Variants in MARCHF5 observed in about 807,000 individuals in gnomAD.
The protein encoded by MARCHF5 is membrane associated ring-CH-type finger 5, also known as E3 ubiquitin-protein ligase MARCHF5.
In MARCHF5, 5 loss-of-function variants were observed where a neutral mutation model predicts 36.5. That is an observed-to-expected ratio of 0.14 (90% CI 0.07 to 0.29). MARCHF5 has a LOEUF of 0.29. Among genes scored for constraint, MARCHF5 ranks in the 10% least tolerant of loss-of-function variants. The probability of loss-of-function intolerance (pLI) is 1.00; values close to 1 mark genes in which losing one functional copy is unlikely to be tolerated. For synonymous variants in MARCHF5, 103 were observed against 109.9 expected (o/e 0.94, Z 0.39); for missense variants, 179 against 336.3 (o/e 0.53, Z 3.66).
chr10:92,295,666 C>G (rs1159783931), intron 1 of MARCHF5, among the ~76,000 whole-genome samples: 1 of 151,904 alleles, frequency 6.6e-6, no homozygotes, highest in Non-Finnish European at 1.5e-5. Flanking sequence ...AATTGACCTC[C>G]CACAGTGCTG....
chr10:92,333,155 C>A (rs988921155), intron 2 of MARCHF5, among the ~76,000 whole-genome samples: 1 of 124,470 alleles, frequency 8.0e-6, no homozygotes, highest in African/African-American at 3.1e-5. Flanking sequence ...AGTAAATCTC[C>A]GTCTTGCCAA....
At chr10:92,312,279 CTAATA>C (rs1843153357) in intron 2 of MARCHF5, among the ~76,000 whole-genome samples, 1 of 152,102 alleles carries the variant, frequency 6.6e-6, no homozygotes, top group Non-Finnish European at 1.5e-5. Flanking sequence ...AAGTGCTTTT[CTAATA>C]TGAGAAGATT....
chr10:92,295,399 A>ATTTTT (rs1234961486), intron 1 of MARCHF5, among the ~76,000 whole-genome samples: 15 of 65,008 alleles, frequency 2.3e-4, no homozygotes, highest in African/African-American at 6.2e-4. Context: ...TTATTTATTT[A>ATTTTT]TTTATTTATT....
At chr10:92,325,258 G>T (rs1843341884) in intron 2 of MARCHF5, among the ~76,000 whole-genome samples, 1 of 152,142 alleles carries the variant, frequency 6.6e-6, no homozygotes, top group South Asian at 2.1e-4. Flanking sequence ...CAGGAGGATT[G>T]CCTGAGCCCA....
rs1465380532 is a variant in MARCHF5 at position 92,352,258 on chromosome 10, C to G, written c.*1051C>G. On this transcript the variant is annotated 3_prime_UTR_variant, in exon 6 of 6. Coordinates refer to ENST00000358935, the MANE Select transcript of MARCHF5 (RefSeq NM_017824.5). ...CAGCAGTGAATAAACCAAGGTGAGG[C>G]CTTGAGCTCTTTGTTTTTATATTAA... is the stretch of plus-strand genomic sequence containing the variant. 1 of 152,182 alleles carries G rather than the reference C, an allele frequency of 6.6e-6. No individual in the cohort carries two copies. The highest frequency in any genetic ancestry group is 2.4e-5 in the African/African-American group (1 of 41,364). The allele number at this position is 152,182 out of a possible 1,614,324, so 9.4% of individuals were successfully genotyped here.
intron 1 of MARCHF5, among the ~76,000 whole-genome samples, chr10:92,301,462 A>G (rs1401899546): frequency 6.6e-6 from 1 of 152,236 alleles, no homozygotes; most frequent in Non-Finnish European, 1.5e-5. Context: ...GGTTGCATCC[A>G]TGCCTCTCTG....
intron 2 of MARCHF5, among the ~76,000 whole-genome samples, chr10:92,334,985 C>T (rs1843486005): frequency 6.6e-6 from 1 of 152,098 alleles, no homozygotes; most frequent in Non-Finnish European, 1.5e-5. Flanking sequence ...AATATTTATA[C>T]AAAGCTTCAG....
intron 3 of MARCHF5, 77 bp from the exon 4 acceptor site, chr10:92,349,272 A>G (rs888241531): frequency 2.9e-5 from 32 of 1,091,854 alleles, no homozygotes; most frequent in African/African-American, 6.4e-5. Context: ...AGCATTTTCT[A>G]TTAAAAAAAT....
intron 1 of MARCHF5, among the ~76,000 whole-genome samples, chr10:92,294,352 A>G (rs142482788): frequency 6.4e-4 from 97 of 152,344 alleles, no homozygotes; most frequent in Middle Eastern, 3.4e-3. Context: ...ATACATCTCT[A>G]TAAAACAGCA....
At chr10:92,326,834 GGTAATGCATTGACACA>G (rs1843366977) in intron 2 of MARCHF5, among the ~76,000 whole-genome samples, 1 of 150,940 alleles carries the variant, frequency 6.6e-6, no homozygotes, top group Non-Finnish European at 1.5e-5. Context: ...TTTTCCCCCA[GGTAATGCATTGACACA>G]GTCAAAAATT....
At chr10:92,343,314 C>G (rs575815543) in intron 3 of MARCHF5, among the ~76,000 whole-genome samples, 1 of 152,338 alleles carries the variant, frequency 6.6e-6, no homozygotes, top group Admixed American at 6.5e-5. Flanking sequence ...ACAGGCAACT[C>G]CTGCCTGCTG....
chr10:92,331,826 CTA>C (rs1232254696), intron 2 of MARCHF5, among the ~76,000 whole-genome samples: 2 of 148,144 alleles, frequency 1.4e-5, no homozygotes, highest in Non-Finnish European at 1.5e-5. Flanking sequence ...GCATATATAA[CTA>C]TGTACCATAT....
chr10:92,320,507 T>C (rs1033741408), intron 2 of MARCHF5, among the ~76,000 whole-genome samples: 2 of 151,964 alleles, frequency 1.3e-5, no homozygotes, highest in African/African-American at 4.9e-5. Flanking sequence ...CTGAAGACCT[T>C]CTAGTGGGAC....
chr10:92,291,624 G>A (rs1338704827), intron 1 of MARCHF5, 95 bp downstream of exon 1: 3 of 1,424,422 alleles, frequency 2.1e-6, no homozygotes, highest in African/African-American at 1.5e-5. Context: ...AGAACCCGGC[G>A]TGCCGGGAGG....
At chr10:92,325,200 G>T (rs1843341160) in intron 2 of MARCHF5, among the ~76,000 whole-genome samples, 1 of 152,166 alleles carries the variant, frequency 6.6e-6, no homozygotes, top group Non-Finnish European at 1.5e-5. Context: ...ACTTTAGCCA[G>T]GCATGGTGGC....
At chr10:92,337,560 G>A (rs1843519139) in intron 2 of MARCHF5, among the ~76,000 whole-genome samples, 1 of 151,838 alleles carries the variant, frequency 6.6e-6, no homozygotes, top group Admixed American at 6.6e-5. Context: ...GTTCTTCTGG[G>A]GAATTTTGTT....
intron 2 of MARCHF5, among the ~76,000 whole-genome samples, chr10:92,326,469 A>C (rs890559810): frequency 6.6e-6 from 1 of 152,184 alleles, no homozygotes; most frequent in Non-Finnish European, 1.5e-5. Context: ...TCACTCAGTG[A>C]GTCAGCTAAT....
chr10:92,345,512 G>T (rs1843631483), intron 3 of MARCHF5, among the ~76,000 whole-genome samples: 1 of 151,870 alleles, frequency 6.6e-6, no homozygotes, highest in Non-Finnish European at 1.5e-5. Flanking sequence ...AATTAATGTA[G>T]AATTCTAATA....
chr10:92,345,338 C>A (rs979616325), intron 3 of MARCHF5, among the ~76,000 whole-genome samples: 6 of 152,022 alleles, frequency 3.9e-5, no homozygotes, highest in African/African-American at 1.5e-4. Flanking sequence ...TGATGAAACC[C>A]CATCTCTACC....
Sources: allele counts gnomAD v4.1 joint callset (sites outside exome capture counted in the v4.1 genomes callset), GRCh38; gene constraint gnomAD v4.1.1; transcripts MANE v1.5; gene names NCBI Gene and HGNC (gene_info 2026-07-23, HGNC 2026-07-21).